Variants in REDIC1 observed in about 807,000 individuals in gnomAD.
REDIC1 encodes the protein HEI10 Interacting Protein 1.
the REDIC1 span, among the ~76,000 whole-genome samples, chr12:39,781,689 CA>C: frequency 6.6e-6 from 1 of 152,176 alleles, no homozygotes; most frequent in African/African-American, 2.4e-5. Context: ...TATATTTTAA[CA>C]GCATAGTTAT....
chr12:39,630,513 G>A, the REDIC1 span, among the ~76,000 whole-genome samples: 2 of 152,160 alleles, frequency 1.3e-5, no homozygotes, highest in African/African-American at 4.8e-5. Flanking sequence ...ACTGTGCCAG[G>A]TGTAAGTACA....
At chr12:39,672,067 G>A in the REDIC1 span, among the ~76,000 whole-genome samples, 1 of 152,112 alleles carries the variant, frequency 6.6e-6, no homozygotes. Flanking sequence ...CAGGACTCTG[G>A]AAGGCATACA....
chr12:39,889,382 T>C, the REDIC1 span, among the ~76,000 whole-genome samples: 173 of 152,214 alleles, frequency 1.1e-3, 2 homozygotes, highest in East Asian at 0.029. Flanking sequence ...CTTTAAGATA[T>C]ATTAGTATAA....
At chr12:39,898,614 A>G in the REDIC1 span, among the ~76,000 whole-genome samples, 34 of 152,286 alleles carry the variant, frequency 2.2e-4, no homozygotes, top group Middle Eastern at 3.4e-3. Context: ...CAAATTGAAG[A>G]ATCAGACTCA....
chr12:39,712,529 T>C, the REDIC1 span, among the ~76,000 whole-genome samples: 3 of 142,548 alleles, frequency 2.1e-5, no homozygotes, highest in Non-Finnish European at 4.6e-5. Context: ...ACACGACATA[T>C]ACGAATATGC....
the REDIC1 span, among the ~76,000 whole-genome samples, chr12:39,809,063 G>A: frequency 6.6e-6 from 1 of 152,102 alleles, no homozygotes; most frequent in Admixed American, 6.6e-5. Context: ...GGTCTATGAT[G>A]TATATTGAGC....
the REDIC1 span, among the ~76,000 whole-genome samples, chr12:39,891,032 T>C: frequency 1.3e-5 from 2 of 151,948 alleles, no homozygotes; most frequent in Admixed American, 6.6e-5. Context: ...AAACAATGAA[T>C]CTTATATATA....
chr12:39,849,367 C>CA, the REDIC1 span, among the ~76,000 whole-genome samples: 1 of 152,088 alleles, frequency 6.6e-6, no homozygotes, highest in Non-Finnish European at 1.5e-5. Flanking sequence ...CTAAAAGTCT[C>CA]AGAGTTAATG....
chr12:39,743,707 CT>C, the REDIC1 span, among the ~76,000 whole-genome samples: 1 of 152,050 alleles, frequency 6.6e-6, no homozygotes, highest in Non-Finnish European at 1.5e-5. Context: ...TGACAATGGG[CT>C]CATTAATAGA....
At chr12:39,643,684 T>C in the REDIC1 span, 12 of 879,256 alleles carry the variant, frequency 1.4e-5, no homozygotes, top group African/African-American at 1.7e-5. Flanking sequence ...AAGTATCAAG[T>C]CAATGACTTA....
chr12:39,644,227 GAATA>G, the REDIC1 span, among the ~76,000 whole-genome samples: 1 of 151,598 alleles, frequency 6.6e-6, no homozygotes, highest in Non-Finnish European at 1.5e-5. Context: ...AGAGAGCAGG[GAATA>G]AATGTTAATA....
the REDIC1 span, among the ~76,000 whole-genome samples, chr12:39,897,727 C>T: frequency 6.6e-6 from 1 of 152,056 alleles, no homozygotes; most frequent in African/African-American, 2.4e-5. Context: ...AATATCTTCA[C>T]TGTAGAGAAA....
chr12:39,864,951 A>G, the REDIC1 span: 20 of 1,416,234 alleles, frequency 1.4e-5, 1 homozygote, highest in South Asian at 2.7e-4. Context: ...TGGGTTTGGT[A>G]AAAACAAACC....
the REDIC1 span, among the ~76,000 whole-genome samples, chr12:39,742,060 G>A: frequency 6.6e-6 from 1 of 152,110 alleles, no homozygotes; most frequent in Non-Finnish European, 1.5e-5. Flanking sequence ...CCAAAATGGT[G>A]GGGGGTATAA....
the REDIC1 span, among the ~76,000 whole-genome samples, chr12:39,711,567 A>ATGTGCACACATGCATGTG: frequency 1.5e-4 from 2 of 13,572 alleles, no homozygotes; most frequent in Non-Finnish European, 7.5e-4. Context: ...ATGCATGTGT[A>ATGTGCACACATGCATGTG]TATGTGCATA....
the REDIC1 span, among the ~76,000 whole-genome samples, chr12:39,737,550 A>C: frequency 6.6e-6 from 1 of 152,348 alleles, no homozygotes; most frequent in South Asian, 2.1e-4. Flanking sequence ...CACCAAAGTA[A>C]CCTTATATGC....
At chr12:39,797,988 CAA>C in the REDIC1 span, among the ~76,000 whole-genome samples, 1 of 152,070 alleles carries the variant, frequency 6.6e-6, no homozygotes, top group Non-Finnish European at 1.5e-5. Context: ...CTTGTGTAAC[CAA>C]TTTGATATTA....
the REDIC1 span, among the ~76,000 whole-genome samples, chr12:39,751,998 A>C: frequency 3.9e-5 from 6 of 152,196 alleles, no homozygotes; most frequent in African/African-American, 1.4e-4. Context: ...ACATGTATAC[A>C]TATGTAAGAA....
chr12:39,772,136 T>C, the REDIC1 span, among the ~76,000 whole-genome samples: 1 of 152,090 alleles, frequency 6.6e-6, no homozygotes. Flanking sequence ...ATATACTCCT[T>C]CTTCTACGGT....
Sources: allele counts gnomAD v4.1 joint callset (sites outside exome capture counted in the v4.1 genomes callset), GRCh38; gene constraint gnomAD v4.1.1; transcripts MANE v1.5; gene names NCBI Gene and HGNC (gene_info 2026-07-23, HGNC 2026-07-21).